Variants in GALNTL5 observed in about 807,000 individuals in gnomAD.
The protein encoded by GALNTL5 is polypeptide N-acetylgalactosaminyltransferase like 5, also known as inactive polypeptide N-acetylgalactosaminyltransferase-like protein 5.
In GALNTL5, 44 loss-of-function variants were observed where a neutral mutation model predicts 51.0. That is an observed-to-expected ratio of 0.86 (90% CI 0.68 to 1.11). The LOEUF (loss-of-function observed/expected upper bound fraction) is 1.11. Ranked by LOEUF, GALNTL5 falls within the 50% of genes least tolerant of loss-of-function variation. The probability of loss-of-function intolerance (pLI) is 0.00; values close to 1 mark genes in which losing one functional copy is unlikely to be tolerated. For synonymous variants in GALNTL5, 192 were observed against 182.8 expected (o/e 1.05, Z -0.41); for missense variants, 528 against 531.8 (o/e 0.99, Z 0.07).
chr7:152,008,420 AT>A (rs1278803823), intron 7 of GALNTL5, among the ~76,000 whole-genome samples: 1 of 151,804 alleles, frequency 6.6e-6, no homozygotes, highest in Non-Finnish European at 1.5e-5. Flanking sequence ...TAATTTAAAA[AT>A]ATTTGGTTCT....
intron 3 of GALNTL5, 30 bp downstream of exon 3, chr7:151,971,095 C>CTGGATAGA: frequency 8.9e-7 from 1 of 1,120,592 alleles, no homozygotes; most frequent in Non-Finnish European, 1.3e-6. Flanking sequence ...CTCTCATTCT[C>CTGGATAGA]TAGATAGATA....
At chr7:151,962,231 G>A (rs926715771) in intron 1 of GALNTL5, among the ~76,000 whole-genome samples, 2 of 151,714 alleles carry the variant, frequency 1.3e-5, no homozygotes, top group Non-Finnish European at 2.9e-5. Flanking sequence ...TTGAACTCCT[G>A]ACCTCGTGAT....
At chr7:151,998,248 T>A (rs1287389645) in intron 5 of GALNTL5, among the ~76,000 whole-genome samples, 1 of 151,898 alleles carries the variant, frequency 6.6e-6, no homozygotes, top group Non-Finnish European at 1.5e-5. Flanking sequence ...AGGGATAATT[T>A]AAAAATATAA....
chr7:151,961,446 G>A (rs556830040), intron 1 of GALNTL5, among the ~76,000 whole-genome samples: 52 of 152,292 alleles, frequency 3.4e-4, no homozygotes, highest in African/African-American at 1.2e-3. Context: ...GGTAGGTCAA[G>A]GCTGTAGTGA....
chr7:151,981,544 C>CCCTTCCTTCCTTCCTT (rs201218158), intron 3 of GALNTL5, among the ~76,000 whole-genome samples: 23 of 130,666 alleles, frequency 1.8e-4, no homozygotes, highest in African/African-American at 6.2e-4. Context: ...CATCTCTCTT[C>CCCTTCCTTCCTTCCTT]CCTTCCTTCC....
chr7:151,985,545 C>T (rs1278055803), intron 4 of GALNTL5, among the ~76,000 whole-genome samples: 1 of 152,206 alleles, frequency 6.6e-6, no homozygotes, highest in East Asian at 1.9e-4. Context: ...ATAGACTCCT[C>T]AGCTTGGGGG....
intron 5 of GALNTL5, among the ~76,000 whole-genome samples, chr7:151,988,422 G>A (rs1162254691): frequency 6.6e-6 from 1 of 152,170 alleles, no homozygotes; most frequent in African/African-American, 2.4e-5. Context: ...TCCTCAGGCT[G>A]CATTGCAAGC....
chr7:151,970,023 G>C, intron 2 of GALNTL5, among the ~76,000 whole-genome samples: 1 of 151,900 alleles, frequency 6.6e-6, no homozygotes, highest in African/African-American at 2.4e-5. Flanking sequence ...TGTTAGCCAG[G>C]ATGGTGTTGA....
chr7:151,982,827 T>G, intron 3 of GALNTL5, 159 bp from the exon 4 acceptor site: 1 of 1,477,704 alleles, frequency 6.8e-7, no homozygotes, highest in Non-Finnish European at 9.1e-7. Context: ...TTAAATAAAT[T>G]TTTGTGTTTT....
intron 6 of GALNTL5, among the ~76,000 whole-genome samples, chr7:152,004,520 G>C (rs529194204): frequency 6.6e-6 from 1 of 152,142 alleles, no homozygotes; most frequent in African/African-American, 2.4e-5. Context: ...ATATTGCCTA[G>C]TGGTAAAGTC....
At chr7:152,019,239 C>T (rs2081858330) in intron 8 of GALNTL5, among the ~76,000 whole-genome samples, 1 of 152,228 alleles carries the variant, frequency 6.6e-6, no homozygotes, top group South Asian at 2.1e-4. Flanking sequence ...TGTACTCCTG[C>T]AGGATCTATT....
At chr7:151,970,141 G>A (rs2081114990) in intron 2 of GALNTL5, among the ~76,000 whole-genome samples, 1 of 105,130 alleles carries the variant, frequency 9.5e-6, no homozygotes, top group Non-Finnish European at 2.2e-5. Context: ...GGTGGGGAGG[G>A]GGTAGTTGGG....
Position 152,007,105 on chromosome 7 carries a change from C to A in GALNTL5, c.909-722C>A, listed in dbSNP as rs75674383. 2.0e-5 allele frequency among the ~76,000 whole-genome samples: 3 copies of A among 152,122 alleles called. No individual in the cohort carries two copies. The East Asian group carries it at 5.8e-4, about 29-fold the overall frequency. ...AACTACTTAGTTTGGTATTATTTGG[C>A]CCTACTATTGGTGGACAAAACAAGA... On this transcript the variant is annotated intron_variant, in intron 6 of 8. Transcript: ENST00000392800.
chr7:152,019,123 G>A (rs756460550), intron 8 of GALNTL5, among the ~76,000 whole-genome samples: 4 of 152,198 alleles, frequency 2.6e-5, no homozygotes, highest in Non-Finnish European at 5.9e-5. Context: ...CAGGGGCTTT[G>A]CATGTCCCTA....
chr7:151,984,826 C>A (rs2151948043), intron 4 of GALNTL5, among the ~76,000 whole-genome samples: 1 of 152,224 alleles, frequency 6.6e-6, no homozygotes, highest in Non-Finnish European at 1.5e-5. Flanking sequence ...ACTTCTCACC[C>A]AGAAGTACAA....
At chr7:151,957,507 C>G (rs1181222624) in intron 1 of GALNTL5, among the ~76,000 whole-genome samples, 1 of 150,120 alleles carries the variant, frequency 6.7e-6, no homozygotes, top group Non-Finnish European at 1.5e-5. Context: ...TGTAATTGGG[C>G]CACTGCACCC....
At chr7:152,014,137 G>T (rs1586857019) in intron 7 of GALNTL5, among the ~76,000 whole-genome samples, 1 of 152,158 alleles carries the variant, frequency 6.6e-6, no homozygotes, top group African/African-American at 2.4e-5. Context: ...CTGTGTCATT[G>T]GGCAAACTTC....
rs181262306 is a variant in GALNTL5, at chr7:151,971,034, G to A, written c.337G>A (p.Glu113Lys). The A allele has an allele frequency of 7.5e-4, 1,211 of 1,611,432 alleles. 10 individuals are homozygous for A. The Admixed American group carries it at 0.012, about 16-fold the overall frequency. The part of the protein sequence containing the change: ...NVIISRSLGI[E>K]REVPDTRSKM... Reference sequence around the variant, plus strand: ...GATTATCAGTAGAAGCTTGGGCATCGAAAGAGAAGTGCCAGATACCAGGAG... The same window carrying A: ...GATTATCAGTAGAAGCTTGGGCATCAAAAGAGAAGTGCCAGATACCAGGAG... Residue 113 changes from glutamate to lysine, a missense_variant, in exon 3 of 9, where the codon GAA becomes AAA. Glu to Lys is a moderately conservative substitution (Grantham distance 56). Coordinates refer to ENST00000392800, the MANE Select transcript of GALNTL5 (RefSeq NM_145292.4).
intron 3 of GALNTL5, among the ~76,000 whole-genome samples, chr7:151,981,837 A>C (rs2081295971): frequency 1.3e-5 from 2 of 151,392 alleles, no homozygotes; most frequent in Admixed American, 1.3e-4. Context: ...TAGTAAAGAC[A>C]GAATTTTGCC....
Sources: allele counts gnomAD v4.1 joint callset (sites outside exome capture counted in the v4.1 genomes callset), GRCh38; gene constraint gnomAD v4.1.1; transcripts MANE v1.5; gene names NCBI Gene and HGNC (gene_info 2026-07-23, HGNC 2026-07-21).